Variants in DPP6 observed in about 807,000 individuals in gnomAD.
The protein encoded by DPP6 is A-type potassium channel modulatory protein DPP6.
Under a neutral mutation model 122.6 loss-of-function variants are expected in DPP6, and 69 were observed. The ratio of observed to expected loss-of-function variants is 0.56; its 90% CI spans 0.46 to 0.69. DPP6 has a LOEUF of 0.69. DPP6 is among the 30% of genes least tolerant of loss of function. The probability of loss-of-function intolerance (pLI) is 0.00; values close to 1 mark genes in which losing one functional copy is unlikely to be tolerated. For missense variants in DPP6, 928 were observed against 1,116.9 expected, an observed-to-expected ratio of 0.83 and a Z score of 2.41; for synonymous variants, 418 against 433.1, an observed-to-expected ratio of 0.97 and a Z score of 0.43.
chr7:154,800,415 C>T (rs754810993), intron 12 of DPP6, among the ~76,000 whole-genome samples: 5 of 152,226 alleles, frequency 3.3e-5, no homozygotes, highest in East Asian at 3.9e-4. Context: ...AAATACATCT[C>T]GCAACCAACT....
At chr7:153,897,373 T>A (rs1174168713) in intron 1 of DPP6, among the ~76,000 whole-genome samples, 1 of 152,226 alleles carries the variant, frequency 6.6e-6, no homozygotes, top group Non-Finnish European at 1.5e-5. Flanking sequence ...TTCTGCTCTA[T>A]CCTCATAGGA....
chr7:153,794,064 GGCAGT>G, the DPP6 span, among the ~76,000 whole-genome samples: 2 of 152,326 alleles, frequency 1.3e-5, no homozygotes, highest in East Asian at 3.9e-4. Flanking sequence ...CCTCTGCTAG[GGCAGT>G]GCAGACGGAA....
chr7:154,360,908 G>A (rs9918610), intron 1 of DPP6, among the ~76,000 whole-genome samples: 12,948 of 152,174 alleles, frequency 0.085, 682 homozygotes, highest in African/African-American at 0.13. Context: ...ATAAGATGCT[G>A]GATTCCGGGG....
At chr7:154,436,537 T>C (rs2151268879) in intron 1 of DPP6, among the ~76,000 whole-genome samples, 1 of 152,220 alleles carries the variant, frequency 6.6e-6, no homozygotes, top group Non-Finnish European at 1.5e-5. Flanking sequence ...GTCTCTTCAG[T>C]TCAGCACGTT....
intron 7 of DPP6, among the ~76,000 whole-genome samples, chr7:154,673,283 G>T (rs927920742): frequency 1.3e-5 from 2 of 152,200 alleles, no homozygotes; most frequent in African/African-American, 2.4e-5. Context: ...GTTGAGGTTT[G>T]CAAAGAGCTT....
chr7:154,408,583 C>A (rs1365318902), intron 1 of DPP6, among the ~76,000 whole-genome samples: 1 of 152,096 alleles, frequency 6.6e-6, no homozygotes, highest in Non-Finnish European at 1.5e-5. Flanking sequence ...GCACATTAGT[C>A]AAAACTAAGA....
intron 4 of DPP6, among the ~76,000 whole-genome samples, chr7:154,548,366 C>T (rs1829368454): frequency 6.6e-6 from 1 of 151,760 alleles, no homozygotes; most frequent in African/African-American, 2.4e-5. Context: ...GAGCTTGAAA[C>T]CAGCCTGGCC....
chr7:154,575,350 T>TG (rs1831522826), intron 5 of DPP6, among the ~76,000 whole-genome samples: 1 of 62,558 alleles, frequency 1.6e-5, no homozygotes, highest in East Asian at 1.0e-3. Context: ...TGTATGTGTG[T>TG]GTGGTGTGTG....
chr7:154,840,438 G>A (rs956364259), intron 16 of DPP6, among the ~76,000 whole-genome samples: 2 of 152,162 alleles, frequency 1.3e-5, no homozygotes, highest in Admixed American at 6.5e-5. Flanking sequence ...GACCTGTCCC[G>A]TGTCCAGGTC....
intron 3 of DPP6, among the ~76,000 whole-genome samples, chr7:154,518,856 G>T (rs139258301): frequency 1.2e-3 from 184 of 151,902 alleles, no homozygotes; most frequent in African/African-American, 4.2e-3. Flanking sequence ...TTTTCAGATG[G>T]GAGTATCAAG....
At chr7:154,610,719 G>A (rs1036319671) in intron 5 of DPP6, among the ~76,000 whole-genome samples, 5 of 39,818 alleles carry the variant, frequency 1.3e-4, no homozygotes, top group African/African-American at 2.2e-4. Context: ...GTGTGTGTGT[G>A]TGTGTGTGTG....
Position 154,371,972 on chromosome 7 carries a change from C to A in DPP6, c.244-74242C>A, listed in dbSNP as rs549754012. Among the ~76,000 whole-genome samples the A allele has an allele frequency of 3.5e-4, 53 of 152,162 alleles. No homozygotes were observed. The South Asian group carries it at 9.8e-3, about 28-fold the overall frequency. On this transcript the variant is annotated intron_variant, in intron 1 of 25. Coordinates refer to ENST00000377770, the MANE Select transcript of DPP6 (RefSeq NM_130797.4). ...CGGGCAGGAGGAAGTTATCAAGGGC[C>A]GTCCCTGAAAACAGGCTTTATTTGG...
chr7:154,795,928 C>T, intron 12 of DPP6, 45 bp downstream of exon 12: 2 of 1,595,758 alleles, frequency 1.3e-6, no homozygotes, highest in South Asian at 2.3e-5. Context: ...TCCACCTGAT[C>T]CACCCCAGGG....
At chr7:154,196,333 T>C (rs143914326) in intron 1 of DPP6, among the ~76,000 whole-genome samples, 2,243 of 152,176 alleles carry the variant, frequency 0.015, 58 homozygotes, top group African/African-American at 0.051. Flanking sequence ...CTACTAAAAA[T>C]ACAAAAATTA....
chr7:154,453,254 T>C (rs540171272), intron 2 of DPP6, among the ~76,000 whole-genome samples: 28 of 152,244 alleles, frequency 1.8e-4, no homozygotes, highest in African/African-American at 6.5e-4. Context: ...AGAACACTTT[T>C]AGGTGGTACA....
intron 1 of DPP6, among the ~76,000 whole-genome samples, chr7:153,904,696 C>T (rs556788999): frequency 5.1e-4 from 77 of 152,330 alleles, no homozygotes; most frequent in Non-Finnish European, 9.6e-4. Flanking sequence ...CGCCTTCCTT[C>T]TTGGGGCTTC....
intron 1 of DPP6, among the ~76,000 whole-genome samples, chr7:154,361,596 T>G: frequency 1.6e-5 from 2 of 122,930 alleles, no homozygotes; most frequent in African/African-American, 3.3e-5. Context: ...TGAGAATAAT[T>G]GCTAGCCAAA....
chr7:154,824,645 C>T (rs2150505560), intron 16 of DPP6, among the ~76,000 whole-genome samples: 1 of 152,318 alleles, frequency 6.6e-6, no homozygotes, highest in East Asian at 1.9e-4. Context: ...TAGCTCCTAA[C>T]AAAAGTTTTT....
the DPP6 span, among the ~76,000 whole-genome samples, chr7:153,818,516 G>C: frequency 6.6e-6 from 1 of 152,138 alleles, no homozygotes; most frequent in Non-Finnish European, 1.5e-5. Flanking sequence ...GCAGGGAAAA[G>C]CTACAGCTAT....
Sources: allele counts gnomAD v4.1 joint callset (sites outside exome capture counted in the v4.1 genomes callset), GRCh38; gene constraint gnomAD v4.1.1; transcripts MANE v1.5; gene names NCBI Gene and HGNC (gene_info 2026-07-23, HGNC 2026-07-21).